FHL5: variants seen among roughly 807,000 people sequenced by gnomAD.
FHL5 encodes four and a half LIM domains protein 5.
In FHL5, 33 loss-of-function variants were observed where a neutral mutation model predicts 32.0. The ratio of observed to expected loss-of-function variants is 1.03; its 90% CI spans 0.78 to 1.38. FHL5 has a LOEUF of 1.38. Ranked by LOEUF, FHL5 falls within the 40% of genes most tolerant of loss-of-function variation. The pLI, the probability that FHL5 is intolerant of heterozygous loss-of-function variation, is 0.00. For synonymous variants in FHL5, 114 were observed against 113.6 expected, an observed-to-expected ratio of 1.00 and a Z score of -0.02; for missense variants, 336 against 343.9, an observed-to-expected ratio of 0.98 and a Z score of 0.18.
intron 5 of FHL5, among the ~76,000 whole-genome samples, chr6:96,612,846 C>A (rs374290470): frequency 6.6e-6 from 1 of 152,036 alleles, no homozygotes; most frequent in East Asian, 1.9e-4. Context: ...TATCTATAGG[C>A]CCTGAAGTAC....
In FHL5 at chr6:96,603,687, A is replaced by T; in HGVS notation, c.74A>T (p.Asp25Val). Residue 25 changes from aspartate (D) to valine (V), a missense_variant, in exon 2 of 6, where the codon GAC (aspartate) becomes GTC (valine). Coordinates refer to ENST00000450218, the MANE Select transcript of FHL5 (RefSeq NM_001322466.2). The stretch of plus-strand genomic sequence containing the variant: ...GGGAAGAAATATGTACTAAAGGATG[A>T]CAGTCCATACTGTGTTACATGTTAT... The part of the protein sequence containing the change: ...LLGKKYVLKD[D>V]SPYCVTCYDR... The T allele has an allele frequency of 6.2e-7, 1 of 1,611,188 alleles. No individual in the cohort carries two copies. The highest frequency in any genetic ancestry group is 8.5e-7 in the Non-Finnish European group (1 of 1,177,688).
At chr6:96,612,223 A>G (rs1771424852) in intron 5 of FHL5, among the ~76,000 whole-genome samples, 1 of 151,854 alleles carries the variant, frequency 6.6e-6, no homozygotes, top group South Asian at 2.1e-4. Flanking sequence ...CAATTCCTAT[A>G]GCCAAGAGAT....
chr6:96,592,608 A>G (rs747569825), intron 1 of FHL5, among the ~76,000 whole-genome samples: 1 of 152,210 alleles, frequency 6.6e-6, no homozygotes, highest in Non-Finnish European at 1.5e-5. Context: ...TCACAGGGGT[A>G]TTGACTGGGG....
At chr6:96,572,181 C>A (rs1770492916) in intron 1 of FHL5, among the ~76,000 whole-genome samples, 1 of 152,176 alleles carries the variant, frequency 6.6e-6, no homozygotes, top group Non-Finnish European at 1.5e-5. Flanking sequence ...TGTGACTGTT[C>A]TGGGCTGCAC....
In FHL5 at chr6:96,603,893, A is replaced by T. The variant is rs536251780; in HGVS notation, c.159+121A>T. The T allele has an allele frequency of 3.7e-5, 28 of 753,176 alleles. No homozygotes were observed. In the Middle Eastern group the frequency reaches 7.7e-4, roughly 21 times the overall value. 46.7% of individuals were successfully genotyped at this position (753,176 alleles called of 1,614,324 possible). ...TTTCTCTGCTACTGGATATATAAGG[A>T]TCTTAAAAGTTACCAGCAGTCAAGC... On this transcript the variant is annotated intron_variant, in intron 2 of 5. Coordinates refer to ENST00000450218, the MANE Select transcript of FHL5 (RefSeq NM_001322466.2).
chr6:96,574,210 T>C (rs1770541255), intron 1 of FHL5, among the ~76,000 whole-genome samples: 1 of 152,202 alleles, frequency 6.6e-6, no homozygotes, highest in Admixed American at 6.5e-5. Flanking sequence ...TTTAAAGTAG[T>C]GTACAGAAAG....
chr6:96,594,599 C>G (rs777308705), intron 1 of FHL5, among the ~76,000 whole-genome samples: 1 of 151,896 alleles, frequency 6.6e-6, no homozygotes, highest in Non-Finnish European at 1.5e-5. Context: ...CAGATGTTGA[C>G]AGTTACTTTT....
intron 1 of FHL5, among the ~76,000 whole-genome samples, chr6:96,580,014 A>C (rs1183328241): frequency 6.6e-6 from 1 of 152,232 alleles, no homozygotes; most frequent in African/African-American, 2.4e-5. Context: ...TTGCAAAGAG[A>C]TAGGATACTT....
chr6:96,598,067 T>C (rs1032017355), intron 1 of FHL5, among the ~76,000 whole-genome samples: 1 of 152,178 alleles, frequency 6.6e-6, no homozygotes, highest in South Asian at 2.1e-4. Context: ...GGTTAGTCTT[T>C]CTAAAATTAC....
chr6:96,594,601 G>A (rs751266929), intron 1 of FHL5, among the ~76,000 whole-genome samples: 53 of 151,926 alleles, frequency 3.5e-4, no homozygotes, highest in Non-Finnish European at 6.2e-4. Context: ...GATGTTGACA[G>A]TTACTTTTGG....
chr6:96,566,836 C>T (rs1157411113), intron 1 of FHL5, among the ~76,000 whole-genome samples: 1 of 151,506 alleles, frequency 6.6e-6, no homozygotes, highest in African/African-American at 2.4e-5. Flanking sequence ...TGTCTGCTTT[C>T]TAATGTGATT....
Position 96,616,907 on chromosome 6 carries a change from C to T in FHL5, c.*1135C>T, listed in dbSNP as rs908992699. Among the ~76,000 whole-genome samples, 3 of 133,698 alleles carry T rather than the reference C, an allele frequency of 2.2e-5. No individual in the cohort carries two copies. Among genetic ancestry groups the T allele is most frequent in the Non-Finnish European group, 4.8e-5 (3 of 62,348 alleles). The allele number at this position is 133,698 out of a possible 152,430, so 87.7% of individuals were successfully genotyped here. On this transcript the variant is annotated 3_prime_UTR_variant, in exon 6 of 6. Transcript: ENST00000450218. ...AATGTGGGCTGTAGGCGAGCCCTCCCCACTCTTCCCCCACACCTGTGCCAC... is the reference window on the plus strand; with the variant it reads ...AATGTGGGCTGTAGGCGAGCCCTCCTCACTCTTCCCCCACACCTGTGCCAC...
rs1327232171 is a variant in FHL5, at chr6:96,583,010, T to C, written c.-13+19655T>C. 2.0e-5 allele frequency among the ~76,000 whole-genome samples: 3 copies of C among 152,184 alleles called. 1 individual carries two copies. The East Asian group carries it at 5.8e-4, about 29-fold the overall frequency. ...ATAAGCAATTAATATAATTCTCATT[T>C]CAGAGGTAAAGAAAGGGCCAGAAAA... On this transcript the variant is annotated intron_variant, in intron 1 of 5. Coordinates refer to ENST00000450218, the MANE Select transcript of FHL5 (RefSeq NM_001322466.2).
At chr6:96,604,537 C>G (rs544195966) in intron 2 of FHL5, among the ~76,000 whole-genome samples, 4 of 151,996 alleles carry the variant, frequency 2.6e-5, no homozygotes, top group African/African-American at 7.2e-5. Context: ...TTCCCAGCTG[C>G]CTTAAGTGAC....
At chr6:96,586,671 A>C (rs2127965230) in intron 1 of FHL5, among the ~76,000 whole-genome samples, 1 of 152,330 alleles carries the variant, frequency 6.6e-6, no homozygotes. Context: ...CAAACCATTC[A>C]CATAAATTTG....
chr6:96,582,393 G>A (rs975720222), intron 1 of FHL5, among the ~76,000 whole-genome samples: 6 of 151,926 alleles, frequency 3.9e-5, no homozygotes, highest in Non-Finnish European at 7.4e-5. Context: ...TTTTTTAAAA[G>A]CCCTTCTTTT....
intron 1 of FHL5, among the ~76,000 whole-genome samples, chr6:96,592,428 TG>T (rs1472523750): frequency 6.6e-6 from 1 of 152,208 alleles, no homozygotes; most frequent in Non-Finnish European, 1.5e-5. Context: ...TGAACATTGC[TG>T]TTATCCTGTT....
chr6:96,609,364 A>G (rs1771350245), intron 4 of FHL5, among the ~76,000 whole-genome samples: 1 of 152,192 alleles, frequency 6.6e-6, no homozygotes, highest in African/African-American at 2.4e-5. Flanking sequence ...ACATTCCAGT[A>G]TCTACAGCAA....
Position 96,567,825 on chromosome 6 carries a change from CTTT to C in FHL5, c.-13+4485_-13+4487del, listed in dbSNP as rs757441385. Among the ~76,000 whole-genome samples the C allele has an allele frequency of 4.1e-4, 45 of 110,532 alleles. No individual in the cohort carries two copies. The East Asian group carries it at 0.011, about 28-fold the overall frequency. 72.5% of individuals were successfully genotyped at this position (110,532 alleles called of 152,430 possible). On this transcript the variant is annotated intron_variant, in intron 1 of 5. Transcript: ENST00000450218. ...TAGAAAAGCTACTGGTTTTTGTATT[CTTT>C]TTTTTTTTTTTTTTGTATCCTCCAA...
Sources: allele counts gnomAD v4.1 joint callset (sites outside exome capture counted in the v4.1 genomes callset), GRCh38; gene constraint gnomAD v4.1.1; transcripts MANE v1.5; gene names NCBI Gene and HGNC (gene_info 2026-07-23, HGNC 2026-07-21).